Variants in TMEFF2 observed in about 807,000 individuals in gnomAD.
TMEFF2 encodes tomoregulin-2.
A neutral mutation model predicts 53.8 loss-of-function variants in TMEFF2; 28 were observed. That is an observed-to-expected ratio of 0.52 (90% confidence interval 0.39 to 0.71). The LOEUF is 0.71. TMEFF2 is among the 30% of genes least tolerant of loss of function. The pLI is 0.00. For missense variants in TMEFF2, 353 were observed against 455.2 expected, an observed-to-expected ratio of 0.78 and a Z score of 2.04; for synonymous variants, 162 against 166.3, an observed-to-expected ratio of 0.97 and a Z score of 0.20.
At chr2:192,057,230 T>A (rs1016503238) in intron 5 of TMEFF2, among the ~76,000 whole-genome samples, 1 of 151,782 alleles carries the variant, frequency 6.6e-6, no homozygotes, top group African/African-American at 2.4e-5. Context: ...TTTTTTTTTA[T>A]GGAGATGTGG....
In TMEFF2 at chr2:192,019,774, G is replaced by T. The variant is rs190578502; in HGVS notation, c.537-20566C>A. Among the ~76,000 whole-genome samples the T allele has an allele frequency of 3.3e-3, 503 of 151,996 alleles. 1 individual carries two copies. Among genetic ancestry groups the T allele is most frequent in the African/African-American group, 0.011 (462 of 41,498 alleles). On this transcript the variant is annotated intron_variant, in intron 5 of 9. Transcript: ENST00000272771. ...ATGGTGATTCAATAGGACAGGCGCG[G>T]TTAATCAAATAATTAGAATAATATG...
intron 7 of TMEFF2, among the ~76,000 whole-genome samples, chr2:191,958,115 T>C (rs2105789434): frequency 6.6e-6 from 1 of 152,324 alleles, no homozygotes; most frequent in East Asian, 1.9e-4. Context: ...TGGAGGAGGC[T>C]GTGTTCATTC....
intron 4 of TMEFF2, among the ~76,000 whole-genome samples, chr2:192,125,192 G>T (rs908190817): frequency 3.9e-5 from 6 of 152,146 alleles, no homozygotes; most frequent in African/African-American, 1.4e-4. Context: ...TGTCCCAAAG[G>T]TTTGTGAAAT....
At chr2:192,069,966 G>GTA (rs1688249114) in intron 4 of TMEFF2, among the ~76,000 whole-genome samples, 1 of 9,410 alleles carries the variant, frequency 1.1e-4, no homozygotes, top group Non-Finnish European at 2.2e-4. Flanking sequence ...TTAGAAAAAT[G>GTA]TGTGTGTGTG....
rs971559359 is a variant in TMEFF2 at position 192,049,262 on chromosome 2, C to T, written c.536+8417G>A. On this transcript the variant is annotated intron_variant, in intron 5 of 9. Coordinates refer to ENST00000272771, the MANE Select transcript of TMEFF2 (RefSeq NM_016192.4). ...AAGAGCATGGAGTCTGCCTGGCTGG[C>T]ACAAATTGTGGCTCTCTCACTTGCT... 5.3e-5 allele frequency among the ~76,000 whole-genome samples: 8 copies of T among 152,218 alleles called. 1 individual carries two copies. Among genetic ancestry groups the T allele is most frequent in the South Asian group, 4.1e-4 (2 of 4,820 alleles).
At chr2:192,155,095 T>G (rs1432472895) in intron 4 of TMEFF2, among the ~76,000 whole-genome samples, 1 of 151,968 alleles carries the variant, frequency 6.6e-6, no homozygotes, top group African/African-American at 2.4e-5. Context: ...ATTATTAGGT[T>G]TTGGTGTTGT....
intron 4 of TMEFF2, among the ~76,000 whole-genome samples, chr2:192,160,522 A>G (rs547136097): frequency 6.6e-6 from 1 of 152,272 alleles, no homozygotes; most frequent in South Asian, 2.1e-4. Context: ...CAATTTACCT[A>G]CAGAATCATA....
chr2:192,034,027 T>C (rs935391074), intron 5 of TMEFF2, among the ~76,000 whole-genome samples: 8 of 151,956 alleles, frequency 5.3e-5, no homozygotes, highest in African/African-American at 1.9e-4. Context: ...TACAAAAAAT[T>C]AGCCGGGCGT....
chr2:192,052,454 T>G (rs1050509074), intron 5 of TMEFF2, among the ~76,000 whole-genome samples: 1 of 152,206 alleles, frequency 6.6e-6, no homozygotes, highest in African/African-American at 2.4e-5. Flanking sequence ...GAGTTTCCAC[T>G]GACCTACTTT....
At chr2:192,137,177 C>T (rs1175907730) in intron 4 of TMEFF2, among the ~76,000 whole-genome samples, 1 of 152,052 alleles carries the variant, frequency 6.6e-6, no homozygotes, top group Non-Finnish European at 1.5e-5. Context: ...TTGGTGCTTA[C>T]CAGAGGGAGA....
At chr2:192,164,188 C>T (rs1477097065) in intron 4 of TMEFF2, among the ~76,000 whole-genome samples, 2 of 152,170 alleles carry the variant, frequency 1.3e-5, no homozygotes, top group Non-Finnish European at 2.9e-5. Context: ...CTTACCACTT[C>T]CCTACTCTCC....
intron 7 of TMEFF2, among the ~76,000 whole-genome samples, chr2:191,989,920 A>G (rs1026397287): frequency 1.3e-5 from 2 of 151,942 alleles, no homozygotes; most frequent in Non-Finnish European, 2.9e-5. Context: ...GAAACACTAG[A>G]TTTTTCTGAG....
At chr2:192,136,236 T>C (rs984360799) in intron 4 of TMEFF2, among the ~76,000 whole-genome samples, 4 of 152,244 alleles carry the variant, frequency 2.6e-5, no homozygotes, top group Admixed American at 6.5e-5. Context: ...TACAATTAAA[T>C]GGTTCCCTGA....
At chr2:192,032,907 TA>T in intron 5 of TMEFF2, among the ~76,000 whole-genome samples, 1 of 152,218 alleles carries the variant, frequency 6.6e-6, no homozygotes, top group Non-Finnish European at 1.5e-5. Flanking sequence ...TTTTTTTCTC[TA>T]ACAACAACAA....
At chr2:192,035,776 T>C (rs945794848) in intron 5 of TMEFF2, among the ~76,000 whole-genome samples, 10 of 152,220 alleles carry the variant, frequency 6.6e-5, no homozygotes, top group Admixed American at 5.9e-4. Context: ...TACTGGGCAT[T>C]CTACTTGGTT....
chr2:192,083,476 G>A (rs1021921994), intron 4 of TMEFF2, among the ~76,000 whole-genome samples: 3 of 152,082 alleles, frequency 2.0e-5, no homozygotes, highest in South Asian at 4.1e-4. Flanking sequence ...GAATGCAGAT[G>A]TTGATCAAGA....
intron 4 of TMEFF2, among the ~76,000 whole-genome samples, chr2:192,140,258 A>G (rs926636778): frequency 6.6e-6 from 1 of 152,218 alleles, no homozygotes; most frequent in African/African-American, 2.4e-5. Flanking sequence ...GTTTGACAAG[A>G]ACATGGGAGT....
chr2:192,072,909 T>G (rs1688324688), intron 4 of TMEFF2, among the ~76,000 whole-genome samples: 2 of 151,842 alleles, frequency 1.3e-5, no homozygotes, highest in South Asian at 4.1e-4. Flanking sequence ...ACAACACAAG[T>G]ACTCCAAATG....
chr2:192,136,442 G>A (rs1458105997), intron 4 of TMEFF2, among the ~76,000 whole-genome samples: 1 of 151,924 alleles, frequency 6.6e-6, no homozygotes, highest in Non-Finnish European at 1.5e-5. Context: ...CAAATACATG[G>A]TATCATTTTT....
Sources: allele counts gnomAD v4.1 joint callset (sites outside exome capture counted in the v4.1 genomes callset), GRCh38; gene constraint gnomAD v4.1.1; transcripts MANE v1.5; gene names NCBI Gene and HGNC (gene_info 2026-07-23, HGNC 2026-07-21).